Variants in BCL2 observed in about 807,000 individuals in gnomAD.
BCL2 encodes apoptosis regulator Bcl-2.
BCL2 carries 1 observed loss-of-function variant against 14.2 expected under a neutral mutation model. The ratio of observed to expected loss-of-function variants is 0.07; its 90% CI spans 0.02 to 0.33. The LOEUF (loss-of-function observed/expected upper bound fraction) is 0.33. Among genes scored for constraint, BCL2 ranks in the 10% least tolerant of loss-of-function variants. The pLI, the probability that BCL2 is intolerant of heterozygous loss-of-function variation, is 0.99. For synonymous variants in BCL2, 151 were observed against 137.2 expected, an observed-to-expected ratio of 1.10 and a Z score of -0.70; for missense variants, 247 against 305.9, an observed-to-expected ratio of 0.81 and a Z score of 1.44.
At chr18:63,247,909 A>G (rs1337011730) in intron 2 of BCL2, among the ~76,000 whole-genome samples, 1 of 152,206 alleles carries the variant, frequency 6.6e-6, no homozygotes, top group Non-Finnish European at 1.5e-5. Context: ...CCTTACATGC[A>G]TCTGCTTTAG....
rs1191011447 is a variant in BCL2, at chr18:63,128,197, AG to A, written c.*427del. On this transcript the variant is annotated 3_prime_UTR_variant, in exon 3 of 3. Coordinates refer to ENST00000333681, the MANE Select transcript of BCL2 (RefSeq NM_000633.3). ...CAGAAAGCCAGCTTCCCCAATGATC[AG>A]GTCCTTTTTCCATCCGTCTGCTCTT... is the stretch of plus-strand genomic sequence containing the variant. 1.3e-5 allele frequency: 3 copies of A among 233,364 alleles called. No individual in the cohort carries two copies. Among genetic ancestry groups the A allele is most frequent in the Non-Finnish European group, 2.5e-5 (3 of 118,076 alleles). 14.5% of individuals were successfully genotyped at this position (233,364 alleles called of 1,614,324 possible). A position where few individuals can be genotyped will look rare whatever the true frequency, so the allele number is the denominator to read the frequency against.
rs1226105329 is a variant in BCL2, at chr18:63,149,599, G to A, written c.586-20840C>T. The stretch of plus-strand genomic sequence containing the variant: ...AACTATTCACGTATTTACAGGGAGA[G>A]TCCGAATAATCATGCAGTAACCCAG... On this transcript the variant is annotated intron_variant, in intron 2 of 2. Transcript: ENST00000333681. This position sits in a 1 kb window ranked among gnomAD's most constrained non-coding sequence, Gnocchi z 4.2. Among the ~76,000 whole-genome samples the A allele has an allele frequency of 6.6e-6, 1 of 152,214 alleles. No individual in the cohort carries two copies. The highest frequency in any genetic ancestry group is 1.9e-4 in the East Asian group (1 of 5,194).
At chr18:63,252,109 C>G (rs1911336364) in intron 2 of BCL2, among the ~76,000 whole-genome samples, 3 of 152,152 alleles carry the variant, frequency 2.0e-5, no homozygotes, top group Admixed American at 6.6e-5. Context: ...TATGTCTCTA[C>G]CAATCTTTTA....
chr18:63,155,144 C>T (rs1466434454), intron 2 of BCL2, among the ~76,000 whole-genome samples: 1 of 152,186 alleles, frequency 6.6e-6, no homozygotes, highest in African/African-American at 2.4e-5. Flanking sequence ...GAGAACGACA[C>T]GGGCTCATGA....
At chr18:63,128,958 AC>A (rs948338209) in intron 2 of BCL2, among the ~76,000 whole-genome samples, 199 bp from the exon 3 acceptor site, 11 of 152,110 alleles carry the variant, frequency 7.2e-5, no homozygotes, top group Non-Finnish European at 1.5e-4. Flanking sequence ...ATTTATTGAG[AC>A]CCTCTTTACG....
At chr18:63,156,421 G>A (rs921281762) in intron 2 of BCL2, among the ~76,000 whole-genome samples, 3 of 152,162 alleles carry the variant, frequency 2.0e-5, no homozygotes, top group Non-Finnish European at 4.4e-5. Context: ...CCCACGACAT[G>A]CCAGCGGAAA....
chr18:63,148,820 T>C (rs17756266), intron 2 of BCL2, among the ~76,000 whole-genome samples: 30,548 of 152,160 alleles, frequency 0.2, 3,645 homozygotes, highest in Non-Finnish European at 0.28. Context: ...TCATCTAGTG[T>C]GGTCCTCCCA....
intron 2 of BCL2, among the ~76,000 whole-genome samples, chr18:63,306,947 A>G (rs1300353568): frequency 6.6e-6 from 1 of 151,548 alleles, no homozygotes. Context: ...AAGCCAAAAG[A>G]TTGGATAGCA....
At chr18:63,203,156 C>T (rs139593595) in intron 2 of BCL2, among the ~76,000 whole-genome samples, 30 of 152,310 alleles carry the variant, frequency 2.0e-4, no homozygotes, top group Non-Finnish European at 3.8e-4. Flanking sequence ...CTTACGAAAA[C>T]GTCTGAGTGT....
At chr18:63,208,362 C>G (rs577390350) in intron 2 of BCL2, among the ~76,000 whole-genome samples, 13 of 152,090 alleles carry the variant, frequency 8.5e-5, no homozygotes, top group Non-Finnish European at 1.5e-4. Context: ...CCCGGCTCCC[C>G]GATGCTGGTG....
At chr18:63,213,047 G>T (rs533234243) in intron 2 of BCL2, among the ~76,000 whole-genome samples, 71 of 152,314 alleles carry the variant, frequency 4.7e-4, no homozygotes, top group African/African-American at 1.6e-3. Context: ...GAAGCCAGAG[G>T]TGACCCAAAT....
chr18:63,250,725 T>C (rs1467495036), intron 2 of BCL2, among the ~76,000 whole-genome samples: 1 of 152,198 alleles, frequency 6.6e-6, no homozygotes, highest in East Asian at 1.9e-4. Context: ...TGCTGTCTTT[T>C]GAAGAATTTC....
intron 2 of BCL2, among the ~76,000 whole-genome samples, chr18:63,216,868 T>C (rs1910220728): frequency 6.6e-6 from 1 of 152,232 alleles, no homozygotes; most frequent in South Asian, 2.1e-4. Context: ...TTAGGATAAA[T>C]TAATTTAAAA....
In BCL2 at chr18:63,126,184, G is replaced by T. The variant is rs142265965; in HGVS notation, c.*2441C>A. On this transcript the variant is annotated 3_prime_UTR_variant, in exon 3 of 3. Coordinates refer to ENST00000333681, the MANE Select transcript of BCL2 (RefSeq NM_000633.3). ...GCTTAAAAATTAGAATCATTCAAAG[G>T]TCTGATCATTCTGTTCCCTGAGGCC... 9 of 215,574 alleles carry T rather than the reference G, an allele frequency of 4.2e-5. No individual in the cohort carries two copies. Among genetic ancestry groups the T allele is most frequent in the African/African-American group, 6.8e-5 (3 of 44,322 alleles). 13.4% of individuals were successfully genotyped at this position (215,574 alleles called of 1,614,324 possible).
chr18:63,194,675 A>C (rs1451565962), intron 2 of BCL2, among the ~76,000 whole-genome samples: 1 of 152,220 alleles, frequency 6.6e-6, no homozygotes, highest in Non-Finnish European at 1.5e-5. Context: ...TCAGCAGATA[A>C]CTTACAAGTG....
At chr18:63,218,633 C>CCTT (rs1348449626) in intron 2 of BCL2, among the ~76,000 whole-genome samples, 74 of 105,654 alleles carry the variant, frequency 7.0e-4, no homozygotes, top group Middle Eastern at 9.8e-3. Flanking sequence ...CTCATCCCAT[C>CCTT]CACTCATCCC....
chr18:63,213,125 T>C (rs759097795), intron 2 of BCL2, among the ~76,000 whole-genome samples: 13 of 152,196 alleles, frequency 8.5e-5, no homozygotes, highest in Non-Finnish European at 1.5e-4. Context: ...GTGTTACTTT[T>C]GCTCCCATAA....
intron 2 of BCL2, among the ~76,000 whole-genome samples, chr18:63,169,238 C>A (rs1915123402): frequency 6.8e-6 from 1 of 147,642 alleles, no homozygotes. Context: ...ATAGTTTTTC[C>A]CCTTCGTGTT....
At chr18:63,281,704 GAA>G (rs1912317328) in intron 2 of BCL2, among the ~76,000 whole-genome samples, 3 of 141,100 alleles carry the variant, frequency 2.1e-5, no homozygotes, top group African/African-American at 7.9e-5. Context: ...AAGAAAGAAA[GAA>G]AGAAAGAAAG....
Sources: gnomAD v4.1 joint callset for allele counts (sites outside exome capture counted in the v4.1 genomes callset) on GRCh38, gnomAD v4.1.1 for gene constraint, Gnocchi (gnomAD v3.1) non-coding constraint, MANE v1.5 for transcripts, NCBI Gene and HGNC (gene_info 2026-07-23, HGNC 2026-07-21) for gene names.